RBFOX1: variants seen among roughly 807,000 people sequenced by gnomAD.
RBFOX1 encodes RNA binding protein fox-1 homolog 1.
Under a neutral mutation model 57.7 loss-of-function variants are expected in RBFOX1, and 8 were observed. That is an observed-to-expected ratio of 0.14 (90% CI 0.08 to 0.25). RBFOX1 has a LOEUF of 0.25. RBFOX1 is among the 10% of genes least tolerant of loss of function. The pLI, the probability that RBFOX1 is intolerant of heterozygous loss-of-function variation, is 1.00. For missense variants in RBFOX1, 611 were observed against 548.5 expected, an observed-to-expected ratio of 1.11 and a Z score of -1.14; for synonymous variants, 326 against 222.4, an observed-to-expected ratio of 1.47 and a Z score of -4.15.
chr16:7,273,014 T>G (rs1219474329), intron 4 of RBFOX1, among the ~76,000 whole-genome samples: 1 of 126,710 alleles, frequency 7.9e-6, no homozygotes, highest in Admixed American at 8.0e-5. Context: ...TCCCTTCCTT[T>G]CTGCCTTCCT....
At chr16:7,156,432 C>G (rs991117997) in intron 4 of RBFOX1, among the ~76,000 whole-genome samples, 1 of 151,824 alleles carries the variant, frequency 6.6e-6, no homozygotes, top group Non-Finnish European at 1.5e-5. Flanking sequence ...TGTACATACA[C>G]ATGTAGATAT....
chr16:5,570,498 C>T (rs2046244873), intron 2 of RBFOX1, among the ~76,000 whole-genome samples: 1 of 152,152 alleles, frequency 6.6e-6, no homozygotes. Flanking sequence ...TGCTTAACAG[C>T]TGGTCAGGTC....
At chr16:6,159,063 C>G (rs992926535) in intron 1 of RBFOX1, among the ~76,000 whole-genome samples, 1 of 152,022 alleles carries the variant, frequency 6.6e-6, no homozygotes, top group Non-Finnish European at 1.5e-5. Context: ...CCACCATGCC[C>G]AGCTAATTTT....
At chr16:5,262,071 T>A (rs1174043018) in intron 1 of RBFOX1, among the ~76,000 whole-genome samples, 1 of 152,204 alleles carries the variant, frequency 6.6e-6, no homozygotes, top group Non-Finnish European at 1.5e-5. Context: ...ACACACAACG[T>A]ATTTTGAGAT....
At chr16:6,047,995 A>G (rs2095513252) in intron 1 of RBFOX1, among the ~76,000 whole-genome samples, 1 of 152,214 alleles carries the variant, frequency 6.6e-6, no homozygotes, top group South Asian at 2.1e-4. Flanking sequence ...ATACTCAGTT[A>G]TTAAAAAGAG....
intron 3 of RBFOX1, among the ~76,000 whole-genome samples, chr16:6,700,141 A>T (rs1280502174): frequency 6.6e-6 from 1 of 152,048 alleles, no homozygotes; most frequent in East Asian, 1.9e-4. Flanking sequence ...CATTCCCCTA[A>T]GGTGATGTAT....
intron 2 of RBFOX1, among the ~76,000 whole-genome samples, chr16:5,579,738 C>A (rs2046596927): frequency 6.6e-6 from 1 of 151,594 alleles, no homozygotes; most frequent in Non-Finnish European, 1.5e-5. Context: ...AGTCATTGCC[C>A]AGTTAATTCT....
chr16:7,216,172 T>G (rs72765601), intron 4 of RBFOX1, among the ~76,000 whole-genome samples: 42,699 of 152,154 alleles, frequency 0.28, 7,716 homozygotes, highest in East Asian at 0.66. Context: ...TGTATTTACC[T>G]CTTTACTAGT....
chr16:7,042,272 G>A (rs369210075), intron 3 of RBFOX1, among the ~76,000 whole-genome samples: 42 of 152,170 alleles, frequency 2.8e-4, no homozygotes, highest in African/African-American at 8.0e-4. Context: ...CAAGTGAGGC[G>A]CAGATTGGGG....
At chr16:6,434,561 A>C (rs555338000) in intron 2 of RBFOX1, among the ~76,000 whole-genome samples, 1 of 152,314 alleles carries the variant, frequency 6.6e-6, no homozygotes, top group East Asian at 1.9e-4. Context: ...GGCACATAGG[A>C]AGCAACTTCT....
chr16:5,412,629 C>T (rs560975363), intron 1 of RBFOX1, among the ~76,000 whole-genome samples: 9 of 152,316 alleles, frequency 5.9e-5, no homozygotes, highest in African/African-American at 2.2e-4. Flanking sequence ...CGAGAACTCA[C>T]ATCGAGTCCT....
intron 14 of RBFOX1, among the ~76,000 whole-genome samples, chr16:7,693,987 A>C (rs1250010035): frequency 6.6e-6 from 1 of 152,216 alleles, no homozygotes; most frequent in African/African-American, 2.4e-5. Context: ...TGGAAATTGC[A>C]TAGCTGCATG....
At chr16:6,910,459 C>G (rs2071275575) in intron 3 of RBFOX1, among the ~76,000 whole-genome samples, 2 of 152,200 alleles carry the variant, frequency 1.3e-5, no homozygotes, top group Non-Finnish European at 2.9e-5. Flanking sequence ...AAGGACTTGG[C>G]TCTGTGCCTG....
intron 3 of RBFOX1, among the ~76,000 whole-genome samples, chr16:5,785,347 A>G (rs995814205): frequency 2.6e-5 from 4 of 152,148 alleles, no homozygotes; most frequent in Admixed American, 1.3e-4. Context: ...AAACTATCCA[A>G]TTCTGAGCTT....
chr16:7,584,542 C>T (rs747429952), intron 6 of RBFOX1, among the ~76,000 whole-genome samples: 1 of 152,200 alleles, frequency 6.6e-6, no homozygotes, highest in African/African-American at 2.4e-5. Flanking sequence ...CTGCCCGCCT[C>T]AGCCTCCCAC....
chr16:5,322,631 C>T (rs1244650963), intron 1 of RBFOX1, among the ~76,000 whole-genome samples: 1 of 152,106 alleles, frequency 6.6e-6, no homozygotes, highest in Non-Finnish European at 1.5e-5. Context: ...GACACTGGAG[C>T]CCCCAGTCTT....
intron 3 of RBFOX1, among the ~76,000 whole-genome samples, chr16:7,049,684 TG>T (rs1294006222): frequency 1.3e-5 from 2 of 152,210 alleles, no homozygotes; most frequent in East Asian, 3.9e-4. Context: ...TTGGTCGTTT[TG>T]TTCCCCCCTC....
chr16:6,522,393 C>G (rs561413616), intron 2 of RBFOX1, among the ~76,000 whole-genome samples: 110 of 152,138 alleles, frequency 7.2e-4, no homozygotes, highest in Middle Eastern at 3.4e-3. Context: ...CCCAAGCTGG[C>G]CATTTATCAG....
intron 3 of RBFOX1, among the ~76,000 whole-genome samples, chr16:6,911,692 A>T (rs2071647599): frequency 6.6e-6 from 1 of 152,204 alleles, no homozygotes; most frequent in Admixed American, 6.5e-5. Flanking sequence ...CAGACAGGCA[A>T]TTCTTTTTAC....
Sources: allele counts gnomAD v4.1 joint callset (sites outside exome capture counted in the v4.1 genomes callset), GRCh38; gene constraint gnomAD v4.1.1; transcripts MANE v1.5; gene names NCBI Gene and HGNC (gene_info 2026-07-23, HGNC 2026-07-21).